Variants in ATXN1L observed in about 807,000 individuals in gnomAD.
ATXN1L encodes ataxin-1-like.
A neutral mutation model predicts 43.4 loss-of-function variants in ATXN1L; 8 were observed. The ratio of observed to expected loss-of-function variants is 0.18; its 90% CI spans 0.11 to 0.33. The LOEUF (loss-of-function observed/expected upper bound fraction) is 0.33. Among genes scored for constraint, ATXN1L ranks in the 10% least tolerant of loss-of-function variants. The pLI is 1.00. For synonymous variants in ATXN1L, 379 were observed against 360.6 expected (o/e 1.05, Z -0.58); for missense variants, 856 against 885.4 (o/e 0.97, Z 0.42).
intron 2 of ATXN1L, chr16:71,848,418 T>C (rs1345711573): frequency 6.2e-6 from 1 of 161,538 alleles, no homozygotes; most frequent in African/African-American, 2.4e-5. Flanking sequence ...GAAGGAGCTA[T>C]TGGTAAAAGA....
rs1567389344 is a variant in ATXN1L at position 71,849,717 on chromosome 16, G to C, written c.-24G>C. On this transcript the variant is annotated 5_prime_UTR_variant, in exon 3 of 3. Coordinates refer to ENST00000427980, the MANE Select transcript of ATXN1L (RefSeq NM_001137675.4). ...CAGGGAGCAAGTCGACTCCTTCCAG[G>C]CTCCAGGAACACCACAAAGCAATAT... 2 of 1,468,958 alleles carry C rather than the reference G, an allele frequency of 1.4e-6. No homozygotes were observed. The highest frequency in any genetic ancestry group is 2.5e-5 in the Admixed American group (1 of 40,008). 91.0% of individuals were successfully genotyped at this position (1,468,958 alleles called of 1,614,324 possible). A position where few individuals can be genotyped will look rare whatever the true frequency, so the allele number is the denominator to read the frequency against.
intron 1 of ATXN1L, among the ~76,000 whole-genome samples, chr16:71,847,277 A>G (rs1176910102): frequency 2.0e-5 from 3 of 152,150 alleles, no homozygotes; most frequent in Non-Finnish European, 4.4e-5. Context: ...CGTTTCTGGC[A>G]AGTGTAGATT....
chr16:71,851,125 C>T lies in ATXN1L; in HGVS notation c.1385C>T (p.Ser462Phe). The change falls in exon 3 of 3, where the codon TCC becomes TTC. Residue 462 changes from serine to phenylalanine, a missense_variant. Coordinates refer to ENST00000427980, the MANE Select transcript of ATXN1L (RefSeq NM_001137675.4). This position sits in a 1 kb window ranked among gnomAD's most constrained non-coding sequence, Gnocchi z 4.9. Reference protein sequence around the residue: ...DKEPTPPPITSSHLPSHFMKG... With the variant: ...DKEPTPPPITFSHLPSHFMKG... The stretch of plus-strand genomic sequence containing the variant: ...GAGCCAACGCCGCCCCCCATTACCT[C>T]CTCTCACTTGCCTTCCCATTTCATG... The T allele has an allele frequency of 1.3e-6, 2 of 1,551,698 alleles. No individual in the cohort carries two copies. The highest frequency in any genetic ancestry group is 1.7e-6 in the Non-Finnish European group (2 of 1,146,986).
chr16:71,848,957 G>A (rs113584314), intron 2 of ATXN1L, among the ~76,000 whole-genome samples: 20,651 of 151,724 alleles, frequency 0.14, 1,714 homozygotes, highest in South Asian at 0.38. Context: ...GCTCACACCC[G>A]TAATCCCAGC....
In ATXN1L at chr16:71,851,710, G is replaced by A. The variant is rs1265430087; in HGVS notation, c.1970G>A (p.Ser657Asn). ...CCAGCCCCGAGCTTCCAAAGATACAGCATGCAAGGGGAGGAGGCACGGGCT... is the reference window on the plus strand; with the variant it reads ...CCAGCCCCGAGCTTCCAAAGATACAACATGCAAGGGGAGGAGGCACGGGCT... ...CWPAPSFQRY[S>N]MQGEEARAAL... Residue 657 changes from serine to asparagine, a missense_variant, in exon 3 of 3, where the codon AGC (serine) becomes AAC (asparagine). Physicochemically the swap from Ser to Asn is conservative, Grantham distance 46 (BLOSUM62 1). Coordinates refer to ENST00000427980, the MANE Select transcript of ATXN1L (RefSeq NM_001137675.4). This position sits in a 1 kb window ranked among gnomAD's most constrained non-coding sequence, Gnocchi z 4.9. 1 of 1,482,000 alleles carries A rather than the reference G, an allele frequency of 6.7e-7. No homozygotes were observed. Among genetic ancestry groups the A allele is most frequent in the Non-Finnish European group, 9.0e-7 (1 of 1,111,478 alleles). 91.8% of individuals were successfully genotyped at this position (1,482,000 alleles called of 1,614,324 possible).
At position 71,852,066 on chromosome 16, in the gene ATXN1L, CAGG is replaced by C. The variant is rs1358619841; in HGVS notation, c.*259_*261del. ...GGGCAAGGAAGGAAGGGGGTGCACACAGGAGAAGAAACATTCCAAAATCAGGGC... is the reference window on the plus strand; with the variant it reads ...GGGCAAGGAAGGAAGGGGGTGCACACAGAAGAAACATTCCAAAATCAGGGC... On this transcript the variant is annotated 3_prime_UTR_variant, in exon 3 of 3. Coordinates refer to ENST00000427980, the MANE Select transcript of ATXN1L (RefSeq NM_001137675.4). 1 of 347,528 alleles carries C rather than the reference CAGG, an allele frequency of 2.9e-6. No individual in the cohort carries two copies. The highest frequency in any genetic ancestry group is 2.1e-5 in the African/African-American group (1 of 47,206). The allele number at this position is 347,528 out of a possible 1,614,324, so 21.5% of individuals were successfully genotyped here.
Position 71,851,240 on chromosome 16 carries a change from C to CG in ATXN1L, c.1506dup (p.Leu503AlafsTer4), listed in dbSNP as rs2033499052. On this transcript the variant is annotated frameshift_variant, in exon 3 of 3. Transcript: ENST00000427980. LOFTEE classifies it high-confidence loss of function. The surrounding 1 kb of genome is among the most constrained non-coding windows in gnomAD (Gnocchi z 4.9). Reference sequence around the variant, plus strand: ...ATTTTGTGCGCAGTGCCGAAGTGAGCGGGGGGCTGAAGATTGACTCTAGCA... The same window carrying CG: ...ATTTTGTGCGCAGTGCCGAAGTGAGCGGGGGGGCTGAAGATTGACTCTAGCA... The CG allele has an allele frequency of 1.3e-6, 2 of 1,551,454 alleles. No homozygotes were observed. Among genetic ancestry groups the CG allele is most frequent in the East Asian group, 2.4e-5 (1 of 40,922 alleles).
Position 71,847,541 on chromosome 16 carries a change from C to A in ATXN1L, c.-179-469C>A, listed in dbSNP as rs8050651. On this transcript the variant is annotated intron_variant, in intron 1 of 2. Transcript: ENST00000427980. The stretch of plus-strand genomic sequence containing the variant: ...ATAAATAATTGTTCTTTTTCATCTA[C>A]TGCTGCTTTTTTTCATTTAAATAAC... Among the ~76,000 whole-genome samples, 40 of 151,766 alleles carry A rather than the reference C, an allele frequency of 2.6e-4. No individual in the cohort carries two copies. The Middle Eastern group carries it at 0.017, about 65-fold the overall frequency.
intron 2 of ATXN1L, 126 bp downstream of exon 2, chr16:71,848,197 A>G (rs1417313826): frequency 2.5e-6 from 1 of 393,934 alleles, no homozygotes; most frequent in Non-Finnish European, 5.0e-6. Context: ...GGTTGGAAGA[A>G]ATAGGCAGCA....
chr16:71,855,333 T>C lies in ATXN1L; in HGVS notation c.*3523T>C, dbSNP rs1212656152. On this transcript the variant is annotated 3_prime_UTR_variant, in exon 3 of 3. Transcript: ENST00000427980. ...GCAGGTTTCTACTAGTGGTGTCTTC[T>C]GTTGTATTAACTTCTTTCCTTTGTG... The C allele has an allele frequency of 6.0e-6, 1 of 167,148 alleles. No homozygotes were observed. Among genetic ancestry groups the C allele is most frequent in the African/African-American group, 2.4e-5 (1 of 41,478 alleles). 10.4% of individuals were successfully genotyped at this position (167,148 alleles called of 1,614,324 possible). A position where few individuals can be genotyped will look rare whatever the true frequency, so the allele number is the denominator to read the frequency against.
In ATXN1L at chr16:71,849,700, A is replaced by C. The variant is rs150193939; in HGVS notation, c.-41A>C. The C allele has an allele frequency of 8.9e-4, 1,301 of 1,459,672 alleles. 10 individuals carry two copies. In the African/African-American group the frequency reaches 0.015, roughly 17 times the overall value. The allele number at this position is 1,459,672 out of a possible 1,614,324, so 90.4% of individuals were successfully genotyped here. ...AGCCCCTTCTGATGCCCCAGGGAGC[A>C]AGTCGACTCCTTCCAGGCTCCAGGA... On this transcript the variant is annotated 5_prime_UTR_variant, in exon 3 of 3. Coordinates refer to ENST00000427980, the MANE Select transcript of ATXN1L (RefSeq NM_001137675.4).
At position 71,851,239 on chromosome 16, in the gene ATXN1L, G is replaced by GC; in HGVS notation, c.1500dup (p.Gly501ArgfsTer6). On this transcript the variant is annotated frameshift_variant, in exon 3 of 3. Transcript: ENST00000427980. LOFTEE classifies it high-confidence loss of function. The surrounding 1 kb of genome is among the most constrained non-coding windows in gnomAD (Gnocchi z 4.9). ...GATTTTGTGCGCAGTGCCGAAGTGAGCGGGGGGCTGAAGATTGACTCTAGC... is the reference window on the plus strand; with the variant it reads ...GATTTTGTGCGCAGTGCCGAAGTGAGCCGGGGGGCTGAAGATTGACTCTAGC... The GC allele has an allele frequency of 6.4e-7, 1 of 1,551,700 alleles. No homozygotes were observed. The highest frequency in any genetic ancestry group is 8.7e-7 in the Non-Finnish European group (1 of 1,146,992).
At chr16:71,847,068 A>G (rs1467424607) in intron 1 of ATXN1L, among the ~76,000 whole-genome samples, 1 of 152,068 alleles carries the variant, frequency 6.6e-6, no homozygotes, top group Non-Finnish European at 1.5e-5. Context: ...TTGTTTTCCC[A>G]CTGTGTTTTC....
rs980573869 is a variant in ATXN1L, at chr16:71,852,296, C to A, written c.*486C>A. ...AAGGTTGGAAATAAGAGGGTTCCCA[C>A]CCAGAACCCTTCTTGTGAGAGATGC... On this transcript the variant is annotated 3_prime_UTR_variant, in exon 3 of 3. Transcript: ENST00000427980. 1 of 167,318 alleles carries A rather than the reference C, an allele frequency of 6.0e-6. No homozygotes were observed. The highest frequency in any genetic ancestry group is 6.5e-5 in the Admixed American group (1 of 15,296). 10.4% of individuals were successfully genotyped at this position (167,318 alleles called of 1,614,324 possible).
chr16:71,849,909 G>A lies in ATXN1L; in HGVS notation c.169G>A (p.Ala57Thr). 1.9e-6 allele frequency: 3 copies of A among 1,551,182 alleles called. No individual in the cohort carries two copies. Among genetic ancestry groups the A allele is most frequent in the Admixed American group, 2.0e-5 (1 of 50,980 alleles). Residue 57 changes from alanine to threonine, a missense_variant, in exon 3 of 3, where the codon GCA becomes ACA. By Grantham distance (58) the Ala-to-Thr change is moderately conservative. Around this residue, in one of 7 missense-constraint regions of ATXN1L, gnomAD observed 93 missense variants for 113.4 expected, o/e 0.82. Coordinates refer to ENST00000427980, the MANE Select transcript of ATXN1L (RefSeq NM_001137675.4). ...GGTTGTGGTGGCTGGGCAGAGCCAGGCAGGAGCCAGAGTCAGCCTGGGGGG... is the reference window on the plus strand; with the variant it reads ...GGTTGTGGTGGCTGGGCAGAGCCAGACAGGAGCCAGAGTCAGCCTGGGGGG... ...RGVVVAGQSQ[A>T]GARVSLGGDG... is the part of the protein sequence containing the mutation.
At chr16:71,849,337 G>A (rs1371572242) in intron 2 of ATXN1L, among the ~76,000 whole-genome samples, 2 of 151,672 alleles carry the variant, frequency 1.3e-5, no homozygotes, top group South Asian at 2.1e-4. Context: ...ATGACTAACC[G>A]TGAAGCTGTT....
chr16:71,851,801 G>A lies in ATXN1L; in HGVS notation c.2061G>A (p.Ala687=), dbSNP rs1053623883. ...TGTCCATTGAAGGGCGTTCCAATGC[G>A]GGAAAATGAACCTCTTCCCCAGACC... ...VKLSIEGRSN[A]GK The change falls in exon 3 of 3, where the codon GCG becomes GCA. Residue 687 remains alanine (A), a synonymous_variant. Transcript: ENST00000427980. This position sits in a 1 kb window ranked among gnomAD's most constrained non-coding sequence, Gnocchi z 4.9. 23 of 1,430,174 alleles carry A rather than the reference G, an allele frequency of 1.6e-5. No homozygotes were observed. The highest frequency in any genetic ancestry group is 5.8e-5 in the African/African-American group (4 of 69,496). 88.6% of individuals were successfully genotyped at this position (1,430,174 alleles called of 1,614,324 possible).
In ATXN1L at chr16:71,856,387, C is replaced by T. The variant is rs2033551489; in HGVS notation, c.*4577C>T. 1 of 167,078 alleles carries T rather than the reference C, an allele frequency of 6.0e-6. No homozygotes were observed. The highest frequency in any genetic ancestry group is 2.4e-5 in the African/African-American group (1 of 41,438). The allele number at this position is 167,078 out of a possible 1,614,324, so 10.3% of individuals were successfully genotyped here. Reference sequence around the variant, plus strand: ...CAGCCCATGTGCCTTTACCTGTTGTCAAACTTGCAAGCATTTATTTGTCTT... The same window carrying T: ...CAGCCCATGTGCCTTTACCTGTTGTTAAACTTGCAAGCATTTATTTGTCTT... On this transcript the variant is annotated 3_prime_UTR_variant, in exon 3 of 3. Coordinates refer to ENST00000427980, the MANE Select transcript of ATXN1L (RefSeq NM_001137675.4).
rs1053958402 is a variant in ATXN1L at position 71,850,479 on chromosome 16, C to A, written c.739C>A (p.Pro247Thr). Residue 247 changes from proline to threonine, a missense_variant, in exon 3 of 3, where the codon CCA (proline) becomes ACA (threonine). Transcript: ENST00000427980. ...TGGGTATACTTTGCATGAAACCCCT[C>A]CAGCAGGTGCCAGCCCAGTTCTTAC... ...PAGYTLHETP[P>T]AGASPVLTPQ... 4.5e-6 allele frequency: 7 copies of A among 1,551,616 alleles called. No homozygotes were observed. In the Admixed American group the frequency reaches 1.4e-4, roughly 30 times the overall value.
Sources: gnomAD v4.1 joint callset for allele counts (sites outside exome capture counted in the v4.1 genomes callset) on GRCh38, gnomAD v4.1.1 for gene constraint, gnomAD v4.1.1 regional missense constraint, Gnocchi (gnomAD v3.1) non-coding constraint, MANE v1.5 for transcripts, NCBI Gene and HGNC (gene_info 2026-07-23, HGNC 2026-07-21) for gene names.